Variants in FAM81B observed in about 807,000 individuals in gnomAD.
FAM81B encodes the protein family with sequence similarity 81 member B.
A neutral mutation model predicts 58.7 loss-of-function variants in FAM81B; 60 were observed. The observed-to-expected ratio is 1.02, with a 90% CI of 0.83 to 1.27. The LOEUF (loss-of-function observed/expected upper bound fraction) is 1.27, where lower values mean the gene tolerates loss of function less well. Ranked by LOEUF, FAM81B falls within the 50% of genes most tolerant of loss-of-function variation. The probability of loss-of-function intolerance (pLI) is 0.00; values close to 1 mark genes in which losing one functional copy is unlikely to be tolerated. For missense variants in FAM81B, 491 were observed against 522.0 expected, an observed-to-expected ratio of 0.94 and a Z score of 0.58; for synonymous variants, 189 against 179.6, an observed-to-expected ratio of 1.05 and a Z score of -0.42.
chr5:95,437,777 T>G (rs1561312009), intron 7 of FAM81B, among the ~76,000 whole-genome samples: 1 of 150,954 alleles, frequency 6.6e-6, no homozygotes, highest in Non-Finnish European at 1.5e-5. Context: ...TCCCTTTTTT[T>G]CTTTTTTTAA....
chr5:95,441,250 C>A (rs1034540942), intron 7 of FAM81B, among the ~76,000 whole-genome samples: 7 of 152,140 alleles, frequency 4.6e-5, no homozygotes, highest in Non-Finnish European at 2.9e-5. Context: ...GAACCTCAAA[C>A]TTTACATGCG....
At chr5:95,417,188 CG>C (rs1762560079) in intron 4 of FAM81B, among the ~76,000 whole-genome samples, 7 of 152,070 alleles carry the variant, frequency 4.6e-5, no homozygotes, top group Admixed American at 4.6e-4. Flanking sequence ...AATTGTTTTC[CG>C]GAAAGTTTAT....
At position 95,391,441 on chromosome 5, in the gene FAM81B, T is replaced by A. The variant is rs1761813038; in HGVS notation, c.52T>A (p.Ser18Thr). 4 of 1,613,414 alleles carry A rather than the reference T, an allele frequency of 2.5e-6. No homozygotes were observed. The African/African-American group carries it at 5.3e-5, about 22-fold the overall frequency. Residue 18 changes from serine (S) to threonine (T), a missense_variant, in exon 1 of 10, where the codon TCA (serine) becomes ACA (threonine). Coordinates refer to ENST00000283357, the MANE Select transcript of FAM81B (RefSeq NM_152548.3). The stretch of plus-strand genomic sequence containing the variant: ...GGCTTCCTCAGAAAAAAGAAAAAAA[T>A]CACAGAGATTGTTTTTCAAAAATAT... ...TLASSEKRKK[S>T]QRLFFKNIKS...
At chr5:95,449,677 A>G (rs940105337) in intron 9 of FAM81B, among the ~76,000 whole-genome samples, 3 of 152,172 alleles carry the variant, frequency 2.0e-5, no homozygotes, top group African/African-American at 7.2e-5. Flanking sequence ...CTAGACATGC[A>G]TAAGAGAGAT....
At position 95,443,427 on chromosome 5, in the gene FAM81B, T is replaced by C. The variant is rs1159331498; in HGVS notation, c.894-3135T>C. Among the ~76,000 whole-genome samples the C allele has an allele frequency of 2.6e-5, 4 of 152,198 alleles. No homozygotes were observed. In the East Asian group the frequency reaches 7.7e-4, roughly 29 times the overall value. ...ATTTAAATGTCTGACTTTTGTGTTTTGAGGAAAAGGAAAGAATAAGCTCTA... is the reference window on the plus strand; with the variant it reads ...ATTTAAATGTCTGACTTTTGTGTTTCGAGGAAAAGGAAAGAATAAGCTCTA... On this transcript the variant is annotated intron_variant, in intron 7 of 9. Coordinates refer to ENST00000283357, the MANE Select transcript of FAM81B (RefSeq NM_152548.3).
intron 1 of FAM81B, among the ~76,000 whole-genome samples, chr5:95,392,491 T>TA (rs1444478421): frequency 6.6e-6 from 1 of 152,168 alleles, no homozygotes; most frequent in Admixed American, 6.5e-5. Context: ...TCCCAGGACT[T>TA]AAAGTATAAT....
chr5:95,426,713 C>CT (rs34286196), intron 5 of FAM81B, among the ~76,000 whole-genome samples: 5 of 152,266 alleles, frequency 3.3e-5, no homozygotes, highest in South Asian at 2.1e-4. Context: ...ATCATTTCCC[C>CT]TTTTTTTCAG....
intron 5 of FAM81B, among the ~76,000 whole-genome samples, chr5:95,422,012 G>T (rs1762698457): frequency 6.6e-6 from 1 of 152,166 alleles, no homozygotes; most frequent in Non-Finnish European, 1.5e-5. Context: ...CCACCATGTT[G>T]TGTATGAGAC....
intron 6 of FAM81B, among the ~76,000 whole-genome samples, chr5:95,431,929 T>A (rs1009669014): frequency 2.6e-5 from 4 of 151,950 alleles, no homozygotes; most frequent in African/African-American, 9.7e-5. Context: ...ATATGCAAAA[T>A]TTCTCTCTCT....
At chr5:95,433,648 C>T (rs1744995342) in intron 6 of FAM81B, among the ~76,000 whole-genome samples, 1 of 152,084 alleles carries the variant, frequency 6.6e-6, no homozygotes, top group African/African-American at 2.4e-5. Context: ...TTTTTGGTGG[C>T]TGGATAGTCC....
At chr5:95,392,663 A>G in intron 1 of FAM81B, 131 bp from the exon 2 acceptor site, 1 of 694,598 alleles carries the variant, frequency 1.4e-6, no homozygotes. Context: ...GGAAATGTAA[A>G]GCAAATTGAA....
intron 7 of FAM81B, among the ~76,000 whole-genome samples, chr5:95,443,490 C>T (rs1582830359): frequency 6.6e-6 from 1 of 152,108 alleles, no homozygotes; most frequent in African/African-American, 2.4e-5. Context: ...TAGAAATGCT[C>T]ATACACCTAT....
In FAM81B at chr5:95,403,176, TC is replaced by T. The variant is rs1245195563; in HGVS notation, c.293+7005del. ...TTGCTTAAAATGCATATTCTTACTC[TC>T]CCCGCCTACCCTAAAATTTTGATTC... is the stretch of plus-strand genomic sequence containing the variant. On this transcript the variant is annotated intron_variant, in intron 3 of 9. Transcript: ENST00000283357. Among the ~76,000 whole-genome samples the T allele has an allele frequency of 7.2e-5, 11 of 152,166 alleles. No individual in the cohort carries two copies. In the East Asian group the frequency reaches 2.1e-3, roughly 29 times the overall value.
At chr5:95,413,491 T>C (rs1214089495) in intron 3 of FAM81B, among the ~76,000 whole-genome samples, 3 of 152,186 alleles carry the variant, frequency 2.0e-5, no homozygotes, top group Non-Finnish European at 4.4e-5. Context: ...AGAGACATCA[T>C]ATGCAAGGTT....
chr5:95,398,238 G>A (rs1372491006), intron 3 of FAM81B, among the ~76,000 whole-genome samples: 1 of 152,064 alleles, frequency 6.6e-6, no homozygotes, highest in Non-Finnish European at 1.5e-5. Context: ...AGCCAACATG[G>A]TGAAACCCCA....
At chr5:95,396,364 C>G (rs1487239335) in intron 3 of FAM81B, among the ~76,000 whole-genome samples, 189 bp downstream of exon 3, 1 of 152,220 alleles carries the variant, frequency 6.6e-6, no homozygotes, top group Non-Finnish European at 1.5e-5. Context: ...GATCCTGTTC[C>G]TTTCTGATTG....
At chr5:95,393,842 C>T (rs951718068) in intron 2 of FAM81B, among the ~76,000 whole-genome samples, 1 of 152,044 alleles carries the variant, frequency 6.6e-6, no homozygotes, top group Non-Finnish European at 1.5e-5. Context: ...ACATTCAAAG[C>T]ATTATTATGA....
At chr5:95,443,727 A>G (rs1745450508) in intron 7 of FAM81B, among the ~76,000 whole-genome samples, 1 of 152,200 alleles carries the variant, frequency 6.6e-6, no homozygotes, top group South Asian at 2.1e-4. Flanking sequence ...ATTTTAATAA[A>G]CTACCAACAG....
At chr5:95,397,336 G>T (rs867153174) in intron 3 of FAM81B, among the ~76,000 whole-genome samples, 3 of 152,250 alleles carry the variant, frequency 2.0e-5, no homozygotes, top group Middle Eastern at 6.8e-3. Context: ...TTGGACAGAT[G>T]ACTTTTCTTC....
Sources: allele counts gnomAD v4.1 joint callset (sites outside exome capture counted in the v4.1 genomes callset), GRCh38; gene constraint gnomAD v4.1.1; transcripts MANE v1.5; gene names NCBI Gene and HGNC (gene_info 2026-07-23, HGNC 2026-07-21).